Variants in HEATR5B observed in about 807,000 individuals in gnomAD.
HEATR5B encodes the protein HEAT repeat-containing protein 5B.
HEATR5B carries 156 observed loss-of-function variants against 224.1 expected under a neutral mutation model. That is an observed-to-expected ratio of 0.70 (90% CI 0.61 to 0.80). The LOEUF is 0.80. Among genes scored for constraint, HEATR5B ranks in the 30% least tolerant of loss-of-function variants. The pLI, the probability that HEATR5B is intolerant of heterozygous loss-of-function variation, is 0.00. For synonymous variants in HEATR5B, 1,027 were observed against 893.0 expected (o/e 1.15, Z -2.68); for missense variants, 2,323 against 2,535.5 (o/e 0.92, Z 1.80).
intron 33 of HEATR5B, among the ~76,000 whole-genome samples, chr2:36,997,050 G>A (rs1378891083): frequency 3.9e-5 from 6 of 152,146 alleles, no homozygotes; most frequent in Non-Finnish European, 8.8e-5. Flanking sequence ...TGGTGAGTAA[G>A]TGAATTTTTT....
Position 37,038,916 on chromosome 2 carries a change from TG to T in HEATR5B, c.3047-893del, listed in dbSNP as rs1553313674. The stretch of plus-strand genomic sequence containing the variant: ...CTCTGTCTCCCTGGGGTGGGGGGGG[TG>T]GGGAATCACATATTTTTCAATTTCT... On this transcript the variant is annotated intron_variant, in intron 20 of 35. Coordinates refer to ENST00000233099, the MANE Select transcript of HEATR5B (RefSeq NM_019024.3). Among the ~76,000 whole-genome samples the T allele has an allele frequency of 3.0e-5, 3 of 100,996 alleles. 1 individual carries two copies. The highest frequency in any genetic ancestry group is 6.2e-5 in the Non-Finnish European group (3 of 48,672). 66.3% of individuals were successfully genotyped at this position (100,996 alleles called of 152,430 possible).
chr2:36,984,838 TA>T (rs1259508029), intron 35 of HEATR5B, among the ~76,000 whole-genome samples: 2 of 152,180 alleles, frequency 1.3e-5, no homozygotes, highest in East Asian at 3.8e-4. Flanking sequence ...GAATATCAGC[TA>T]GGAAAACTAT....
At chr2:37,019,366 T>G (rs1668323171) in intron 26 of HEATR5B, among the ~76,000 whole-genome samples, 1 of 152,192 alleles carries the variant, frequency 6.6e-6, no homozygotes, top group East Asian at 1.9e-4. Flanking sequence ...GTTTATTACC[T>G]AATTATTATT....
chr2:37,071,616 A>C (rs1671912081), intron 6 of HEATR5B, among the ~76,000 whole-genome samples: 1 of 152,166 alleles, frequency 6.6e-6, no homozygotes. Flanking sequence ...CATAATTGCT[A>C]GATATCCTGT....
At chr2:37,081,635 G>A (rs1264766705) in intron 2 of HEATR5B, among the ~76,000 whole-genome samples, 3 of 152,272 alleles carry the variant, frequency 2.0e-5, no homozygotes, top group African/African-American at 7.2e-5. Flanking sequence ...AGTCTAATAA[G>A]CAGAAAGAAT....
intron 35 of HEATR5B, among the ~76,000 whole-genome samples, chr2:36,987,187 G>C (rs1666006835): frequency 6.6e-6 from 1 of 152,170 alleles, no homozygotes; most frequent in Admixed American, 6.5e-5. Flanking sequence ...CGAGCACTTT[G>C]GGAGGCTGAG....
chr2:37,059,444 GTGTATATA>G (rs1262971301), intron 12 of HEATR5B, among the ~76,000 whole-genome samples: 21 of 52,578 alleles, frequency 4.0e-4, no homozygotes, highest in African/African-American at 1.4e-3. Flanking sequence ...GTGTGTGTGT[GTGTATATA>G]TATATATATA....
rs1274937475 is a variant in HEATR5B, at chr2:37,057,493, A to C, written c.2060-13T>G. The C allele has an allele frequency of 1.9e-6, 3 of 1,573,932 alleles. No homozygotes were observed. The highest frequency in any genetic ancestry group is 2.6e-6 in the Non-Finnish European group (3 of 1,161,840). On this transcript the variant is annotated splice_polypyrimidine_tract_variant and intron_variant, in intron 14 of 35. Transcript: ENST00000233099. ...GCATTAAAAGATCCTAAAAAACAGA[A>C]CTTCAGATCAGATTAAAAAGAATAA...
chr2:37,061,240 T>A (rs1169606882), intron 11 of HEATR5B, among the ~76,000 whole-genome samples: 1 of 152,176 alleles, frequency 6.6e-6, no homozygotes, highest in Admixed American at 6.5e-5. Flanking sequence ...GAATCTATAT[T>A]TACATTGCTA....
At chr2:37,059,636 G>C (rs1442256082) in intron 12 of HEATR5B, among the ~76,000 whole-genome samples, 3 of 151,050 alleles carry the variant, frequency 2.0e-5, no homozygotes, top group African/African-American at 7.3e-5. Flanking sequence ...GCTAATTTTT[G>C]TATCTTTAGT....
At position 37,024,035 on chromosome 2, in the gene HEATR5B, A is replaced by G. The variant is rs1252029384; in HGVS notation, c.3854-3199T>C. 2.0e-5 allele frequency among the ~76,000 whole-genome samples: 3 copies of G among 152,300 alleles called. No homozygotes were observed. The East Asian group carries it at 5.8e-4, about 29-fold the overall frequency. On this transcript the variant is annotated intron_variant, in intron 24 of 35. Coordinates refer to ENST00000233099, the MANE Select transcript of HEATR5B (RefSeq NM_019024.3). ...CTGTGTCTATCAATTGATAAAGAAA[A>G]TGTGGTATAAATACATAATGGAACA...
chr2:36,993,442 CG>C (rs1413818035), intron 33 of HEATR5B, among the ~76,000 whole-genome samples: 4 of 151,292 alleles, frequency 2.6e-5, no homozygotes, highest in Admixed American at 1.3e-4. Context: ...GAGGCTGAGG[CG>C]GGAGAATTGC....
chr2:37,023,692 C>A (rs1457211655), intron 24 of HEATR5B, among the ~76,000 whole-genome samples: 2 of 152,030 alleles, frequency 1.3e-5, no homozygotes, highest in African/African-American at 4.8e-5. Flanking sequence ...TCGCTAAGAT[C>A]GCTTGAACCC....
chr2:37,038,191 G>A (rs1229209022), intron 20 of HEATR5B, among the ~76,000 whole-genome samples, 167 bp from the exon 21 acceptor site: 3 of 152,102 alleles, frequency 2.0e-5, no homozygotes, highest in African/African-American at 4.8e-5. Context: ...CCAGGCTAGA[G>A]TGCAGTGGCG....
intron 35 of HEATR5B, among the ~76,000 whole-genome samples, chr2:36,983,737 A>AGTT (rs1665742066): frequency 6.6e-6 from 1 of 152,124 alleles, no homozygotes; most frequent in South Asian, 2.1e-4. Context: ...CAAAAAAAAA[A>AGTT]GTTAATAGTA....
At chr2:37,076,862 A>G in intron 4 of HEATR5B, 49 bp downstream of exon 4, 1 of 1,385,332 alleles carries the variant, frequency 7.2e-7, no homozygotes, top group Non-Finnish European at 1.0e-6. Flanking sequence ...GCTGACATCT[A>G]ACTCTTGCCA....
chr2:37,028,819 CA>C lies in HEATR5B; in HGVS notation c.3462del (p.Phe1154LeufsTer4). The C allele has an allele frequency of 3.7e-6, 6 of 1,614,058 alleles. No homozygotes were observed. Among genetic ancestry groups the C allele is most frequent in the Non-Finnish European group, 5.1e-6 (6 of 1,179,992 alleles). On this transcript the variant is annotated frameshift_variant, in exon 23 of 36. Coordinates refer to ENST00000233099, the MANE Select transcript of HEATR5B (RefSeq NM_019024.3). LOFTEE classifies it high-confidence loss of function. ...ITETGLEGLLFGMLDRETDRK... is the reference protein window; with the variant it reads ...ITETGLEGLLXGMLDRETDRK... ...CGATCTGTCTCCCGGTCTAGCATTC[CA>C]AAAAGAAGTCCCTCAAGACCAGTTT...
rs1669618179 is a variant in HEATR5B, at chr2:37,038,027, G to A, written c.3047-3C>T. 1.4e-6 allele frequency: 2 copies of A among 1,469,784 alleles called. No individual in the cohort carries two copies. The highest frequency in any genetic ancestry group is 2.3e-5 in the Admixed American group (1 of 44,190). The allele number at this position is 1,469,784 out of a possible 1,614,324, so 91.0% of individuals were successfully genotyped here. A position where few individuals can be genotyped will look rare whatever the true frequency, so the allele number is the denominator to read the frequency against. ...TGTAGAAGTTGTTGCTCCATTCCCT[G>A]GTGCAAAATGAAAGAAAATATAAAA... On this transcript the variant is annotated splice_region_variant and splice_polypyrimidine_tract_variant and intron_variant, in intron 20 of 35. Coordinates refer to ENST00000233099, the MANE Select transcript of HEATR5B (RefSeq NM_019024.3).
chr2:37,039,031 C>A (rs190382691), intron 20 of HEATR5B, among the ~76,000 whole-genome samples: 1 of 151,770 alleles, frequency 6.6e-6, no homozygotes, highest in East Asian at 1.9e-4. Context: ...TTAAGAATGC[C>A]GGTAACGGGC....
Sources: allele counts gnomAD v4.1 joint callset (sites outside exome capture counted in the v4.1 genomes callset), GRCh38; gene constraint gnomAD v4.1.1; transcripts MANE v1.5; gene names NCBI Gene and HGNC (gene_info 2026-07-23, HGNC 2026-07-21).